Variants in COPS7B observed in about 807,000 individuals in gnomAD.
The protein encoded by COPS7B is COP9 signalosome subunit 7B, also known as COP9 signalosome complex subunit 7b.
COPS7B carries 9 observed loss-of-function variants against 33.4 expected under a neutral mutation model. The ratio of observed to expected loss-of-function variants is 0.27; its 90% CI spans 0.16 to 0.47. The LOEUF is 0.47. Ranked by LOEUF, COPS7B falls within the 20% of genes least tolerant of loss-of-function variation. The pLI, the probability that COPS7B is intolerant of heterozygous loss-of-function variation, is 0.99. For synonymous variants in COPS7B, 119 were observed against 126.3 expected (o/e 0.94, Z 0.39); for missense variants, 242 against 318.2 (o/e 0.76, Z 1.82).
chr2:231,797,940 T>C (rs561616658), intron 5 of COPS7B, among the ~76,000 whole-genome samples: 2 of 152,320 alleles, frequency 1.3e-5, no homozygotes, highest in South Asian at 2.1e-4. Flanking sequence ...CAGGCTGGAG[T>C]GCAATAGTGC....
chr2:231,806,199 C>G (rs190486295), intron 6 of COPS7B, among the ~76,000 whole-genome samples: 29 of 152,240 alleles, frequency 1.9e-4, no homozygotes, highest in Admixed American at 7.2e-4. Context: ...CTCTTACCCT[C>G]AAGCTCATAA....
upstream of COPS7B, among the ~76,000 whole-genome samples, chr2:231,784,665 G>A (rs555899746): frequency 1.5e-4 from 23 of 152,158 alleles, no homozygotes; most frequent in Admixed American, 9.2e-4. Context: ...ACTAGCTCTA[G>A]ACAGCTCTGG....
In COPS7B at chr2:231,807,880, C is replaced by G. The variant is rs1267616484; in HGVS notation, c.*235C>G. 4.5e-6 allele frequency: 2 copies of G among 449,226 alleles called. No homozygotes were observed. The highest frequency in any genetic ancestry group is 7.9e-6 in the Non-Finnish European group (2 of 251,712). The allele number at this position is 449,226 out of a possible 1,614,324, so 27.8% of individuals were successfully genotyped here. A position where few individuals can be genotyped will look rare whatever the true frequency, so the allele number is the denominator to read the frequency against. On this transcript the variant is annotated 3_prime_UTR_variant, in exon 7 of 7. Transcript: ENST00000350033. ...GGGCTCCACCAATGCCATCCCAAAA[C>G]AGGGTCAGACACTGCCCAGCTTCCC...
intron 6 of COPS7B, among the ~76,000 whole-genome samples, chr2:231,803,266 C>CA (rs2106342291): frequency 6.6e-6 from 1 of 152,208 alleles, no homozygotes; most frequent in Non-Finnish European, 1.5e-5. Flanking sequence ...ATCAGAGGGG[C>CA]AACCTGGGGA....
intron 5 of COPS7B, 114 bp from the exon 6 acceptor site, chr2:231,798,745 T>C: frequency 2.6e-6 from 2 of 763,858 alleles, no homozygotes; most frequent in Non-Finnish European, 4.4e-6. Flanking sequence ...AGAGGGAGTA[T>C]TAAAGGAGGT....
At chr2:231,807,255 C>T (rs899826792) in intron 6 of COPS7B, among the ~76,000 whole-genome samples, 1 of 152,132 alleles carries the variant, frequency 6.6e-6, no homozygotes, top group Non-Finnish European at 1.5e-5. Context: ...CAAATGTTCC[C>T]CTTCCATTTG....
At chr2:231,790,734 T>C (rs1395732192) in intron 2 of COPS7B, 1 of 150,340 alleles carries the variant, frequency 6.7e-6, no homozygotes, top group Non-Finnish European at 1.5e-5. Context: ...GTTTGTGATT[T>C]TTTTTTTTTT....
chr2:231,796,430 C>T, intron 5 of COPS7B, 122 bp downstream of exon 5: 1 of 778,548 alleles, frequency 1.3e-6, no homozygotes, highest in African/African-American at 1.7e-5. Flanking sequence ...GGAGCTGGGG[C>T]TTAGTGAGCC....
At chr2:231,794,098 C>T (rs764745781) in intron 3 of COPS7B, 165 bp from the exon 4 acceptor site, 2 of 539,104 alleles carry the variant, frequency 3.7e-6, no homozygotes, top group South Asian at 5.6e-5. Context: ...TTTGGAAGTA[C>T]ATAGTCTTCC....
chr2:231,798,900 A>G lies in COPS7B; in HGVS notation c.572A>G (p.Gln191Arg). The G allele has an allele frequency of 6.2e-7, 1 of 1,614,244 alleles. No homozygotes were observed. The highest frequency in any genetic ancestry group is 8.5e-7 in the Non-Finnish European group (1 of 1,180,042). The change falls in exon 6 of 7, where the codon CAA becomes CGA. Residue 191 changes from glutamine (Q) to arginine (R), a missense_variant. Physicochemically the swap from Gln to Arg is conservative, Grantham distance 43. Coordinates refer to ENST00000350033, the MANE Select transcript of COPS7B (RefSeq NM_022730.4). ...CEAVLLGIEQ[Q>R]VLRANQYKEN... is the part of the protein sequence containing the mutation. ...GCAGTTCTACTGGGCATCGAGCAGC[A>G]AGTTCTGAGAGCCAACCAGTACAAA...
At chr2:231,798,050 G>A (rs1261836269) in intron 5 of COPS7B, among the ~76,000 whole-genome samples, 1 of 151,708 alleles carries the variant, frequency 6.6e-6, no homozygotes, top group Non-Finnish European at 1.5e-5. Context: ...ACCAGGCCTG[G>A]CTAATTTTGT....
chr2:231,806,739 T>C (rs548882505), intron 6 of COPS7B, among the ~76,000 whole-genome samples: 1 of 152,316 alleles, frequency 6.6e-6, no homozygotes, highest in South Asian at 2.1e-4. Context: ...AAATCGACTT[T>C]GATCTGGAAA....
chr2:231,801,195 C>T lies in COPS7B; in HGVS notation c.636+2231C>T, dbSNP rs1248680625. 7 of 1,550,420 alleles carry T rather than the reference C, an allele frequency of 4.5e-6. No individual in the cohort carries two copies. The African/African-American group carries it at 5.5e-5, about 12-fold the overall frequency. ...GTCCCCCTCCTGAATCTTATAACAA[C>T]AGCTTTCTTCTGGTGAGTTGTAGCT... On this transcript the variant is annotated intron_variant, in intron 6 of 6. Coordinates refer to ENST00000350033, the MANE Select transcript of COPS7B (RefSeq NM_022730.4).
chr2:231,796,989 G>A (rs995129800), intron 5 of COPS7B, among the ~76,000 whole-genome samples: 2 of 152,238 alleles, frequency 1.3e-5, no homozygotes, highest in Admixed American at 1.3e-4. Flanking sequence ...TCACTGTGGA[G>A]TGATTTAAAT....
Position 231,788,849 on chromosome 2 carries a change from G to A in COPS7B, c.162+117G>A. On this transcript the variant is annotated intron_variant, in intron 2 of 6. Transcript: ENST00000350033. Reference sequence around the variant, plus strand: ...CTGTGAGGTACCCTATTGTGAGACAGATGGGAATTGGTGGGGCAGAGGGAG... The same window carrying A: ...CTGTGAGGTACCCTATTGTGAGACAAATGGGAATTGGTGGGGCAGAGGGAG... 1.1e-5 allele frequency: 10 copies of A among 900,042 alleles called. No individual in the cohort carries two copies. In the South Asian group the frequency reaches 1.8e-4, roughly 16 times the overall value. The allele number at this position is 900,042 out of a possible 1,614,324, so 55.8% of individuals were successfully genotyped here.
At chr2:231,796,884 A>G (rs2049587596) in intron 5 of COPS7B, among the ~76,000 whole-genome samples, 2 of 152,248 alleles carry the variant, frequency 1.3e-5, no homozygotes, top group African/African-American at 2.4e-5. Flanking sequence ...TCTGATAACT[A>G]TACTCTGGTA....
At chr2:231,794,449 C>T in intron 4 of COPS7B, 98 bp downstream of exon 4, 1 of 908,090 alleles carries the variant, frequency 1.1e-6, no homozygotes. Flanking sequence ...AGGAGAGTCA[C>T]ATCATAAATG....
chr2:231,795,094 T>A (rs1438386355), intron 4 of COPS7B, among the ~76,000 whole-genome samples: 1 of 152,072 alleles, frequency 6.6e-6, no homozygotes, highest in Non-Finnish European at 1.5e-5. Context: ...ATTTTTATAT[T>A]TTTTAGTACA....
chr2:231,808,047 T>G lies in COPS7B; in HGVS notation c.*402T>G, dbSNP rs2049945817. On this transcript the variant is annotated 3_prime_UTR_variant, in exon 7 of 7. Transcript: ENST00000350033. Reference sequence around the variant, plus strand: ...ATGATTGTGAAGGAGGCCCCTCCCCTTGTGAGGAGGGGGCACTCCTCTCCA... The same window carrying G: ...ATGATTGTGAAGGAGGCCCCTCCCCGTGTGAGGAGGGGGCACTCCTCTCCA... The G allele has an allele frequency of 5.2e-6, 1 of 193,392 alleles. No individual in the cohort carries two copies. Among genetic ancestry groups the G allele is most frequent in the Non-Finnish European group, 1.1e-5 (1 of 94,082 alleles). 12.0% of individuals were successfully genotyped at this position (193,392 alleles called of 1,614,324 possible).
Sources: allele counts gnomAD v4.1 joint callset (sites outside exome capture counted in the v4.1 genomes callset), GRCh38; gene constraint gnomAD v4.1.1; transcripts MANE v1.5; gene names NCBI Gene and HGNC (gene_info 2026-07-23, HGNC 2026-07-21).